Variants in APBB1IP observed in about 807,000 individuals in gnomAD.
APBB1IP encodes the protein amyloid beta precursor protein binding family B member 1 interacting protein, also known as amyloid beta A4 precursor protein-binding family B member 1-interacting protein.
Under a neutral mutation model 64.9 loss-of-function variants are expected in APBB1IP, and 27 were observed. That is an observed-to-expected ratio of 0.42 (90% confidence interval 0.31 to 0.57). The LOEUF is 0.57. APBB1IP is among the 20% of genes least tolerant of loss of function. The pLI, the probability that APBB1IP is intolerant of heterozygous loss-of-function variation, is 0.20. For missense variants in APBB1IP, 812 were observed against 845.5 expected (o/e 0.96, Z 0.49); for synonymous variants, 392 against 331.0 (o/e 1.18, Z -2.00).
intron 11 of APBB1IP, among the ~76,000 whole-genome samples, chr10:26,553,719 A>G (rs1836860838): frequency 6.6e-6 from 1 of 152,188 alleles, no homozygotes; most frequent in Non-Finnish European, 1.5e-5. Flanking sequence ...ACATCGGTAA[A>G]CAAAACAAAG....
At chr10:26,458,635 G>A (rs1180616655) in intron 2 of APBB1IP, among the ~76,000 whole-genome samples, 1 of 152,118 alleles carries the variant, frequency 6.6e-6, no homozygotes, top group Non-Finnish European at 1.5e-5. Flanking sequence ...TAAGGCAGTA[G>A]TAATAAGTTA....
chr10:26,487,197 GT>G (rs34387177), intron 2 of APBB1IP, among the ~76,000 whole-genome samples: 14,738 of 134,044 alleles, frequency 0.11, 1,703 homozygotes, highest in African/African-American at 0.3. Flanking sequence ...AGGGCTGGGT[GT>G]TTTTTTTTTT....
intron 5 of APBB1IP, chr10:26,501,865 C>T (rs761887950): frequency 5.9e-5 from 9 of 151,924 alleles, no homozygotes; most frequent in Non-Finnish European, 8.8e-5. Flanking sequence ...CTAGGGACCC[C>T]GAAAGGTCAT....
chr10:26,451,554 T>C (rs967512952), intron 2 of APBB1IP, among the ~76,000 whole-genome samples: 13 of 152,268 alleles, frequency 8.5e-5, no homozygotes, highest in African/African-American at 3.1e-4. Context: ...CAGAATCACA[T>C]CTGTGGCCAA....
chr10:26,441,283 A>G (rs11015107), intron 2 of APBB1IP, among the ~76,000 whole-genome samples: 14,684 of 152,278 alleles, frequency 0.096, 885 homozygotes, highest in South Asian at 0.16. Context: ...ATTTTAAAAT[A>G]CATATTACAC....
chr10:26,517,246 A>AT (rs1190460121), intron 8 of APBB1IP, among the ~76,000 whole-genome samples: 1 of 152,130 alleles, frequency 6.6e-6, no homozygotes, highest in African/African-American at 2.4e-5. Flanking sequence ...TACACTCTGA[A>AT]TTTTTACAAA....
chr10:26,561,064 C>CTTTCTTTTTTTTTTTTTTTTTTTTT (rs1218039459), intron 13 of APBB1IP, among the ~76,000 whole-genome samples: 2 of 69,208 alleles, frequency 2.9e-5, no homozygotes, highest in Non-Finnish European at 2.5e-5. Context: ...TTCTTTCTTT[C>CTTTCTTTTTTTTTTTTTTTTTTTTT]TTTTTTTTTT....
chr10:26,488,342 C>T lies in APBB1IP; in HGVS notation c.1-3985C>T, dbSNP rs553408997. ...CCTCGACCTCCTGGGCTCAAGCCAT[C>T]ATCCCGTCTCAGCCTCCCAAGTATG... On this transcript the variant is annotated intron_variant, in intron 2 of 14. Coordinates refer to ENST00000376236, the MANE Select transcript of APBB1IP (RefSeq NM_019043.4). Among the ~76,000 whole-genome samples, 261 of 152,046 alleles carry T rather than the reference C, an allele frequency of 1.7e-3. 2 individuals are homozygous for T. The highest frequency in any genetic ancestry group is 5.7e-3 in the African/African-American group (238 of 41,488).
intron 2 of APBB1IP, among the ~76,000 whole-genome samples, chr10:26,483,413 C>T (rs12261938): frequency 0.077 from 11,703 of 152,128 alleles, 1,467 homozygotes; most frequent in African/African-American, 0.26. Context: ...TGGATTTAAT[C>T]AGTCAATGCA....
intron 8 of APBB1IP, among the ~76,000 whole-genome samples, chr10:26,532,027 C>G (rs535642526): frequency 3.2e-4 from 49 of 152,252 alleles, no homozygotes; most frequent in Middle Eastern, 6.8e-3. Flanking sequence ...ATGCAGATTT[C>G]CAGGCCTCAT....
At chr10:26,564,924 G>A (rs1837020910) in intron 14 of APBB1IP, among the ~76,000 whole-genome samples, 1 of 152,208 alleles carries the variant, frequency 6.6e-6, no homozygotes, top group Admixed American at 6.5e-5. Context: ...GAAGCTGTGA[G>A]GCCAGCTGGA....
In APBB1IP at chr10:26,566,998, C is replaced by T. The variant is rs756893811; in HGVS notation, c.1511C>T (p.Ala504Val). Reference protein sequence around the residue: ...KPALGNHHDPAVPRAPHAPKS... With the variant: ...KPALGNHHDPVVPRAPHAPKS... ...GCCCTCGGGAACCACCACGACCCGG[C>T]AGTGCCCCGGGCCCCGCACGCCCCC... Residue 504 changes from alanine to valine, a missense_variant, in exon 15 of 15, where the codon GCA (alanine) becomes GTA (valine). This residue lies in a region of APBB1IP where 381 missense variants were observed against 352.1 expected (regional missense o/e 1.08). Transcript: ENST00000376236. 36 of 1,580,132 alleles carry T rather than the reference C, an allele frequency of 2.3e-5. 1 individual carries two copies. Among genetic ancestry groups the T allele is most frequent in the Middle Eastern group, 2.1e-4 (1 of 4,834 alleles).
At chr10:26,523,294 G>C (rs1226505907) in intron 8 of APBB1IP, among the ~76,000 whole-genome samples, 2 of 152,200 alleles carry the variant, frequency 1.3e-5, no homozygotes, top group African/African-American at 4.8e-5. Flanking sequence ...GAGGATCAAT[G>C]ATGGTTCTTT....
In APBB1IP at chr10:26,501,137, A is replaced by G. The variant is rs774673031; in HGVS notation, c.453+26A>G. 11 of 1,613,964 alleles carry G rather than the reference A, an allele frequency of 6.8e-6. No homozygotes were observed. In the Middle Eastern group the frequency reaches 5.0e-4, roughly 73 times the overall value. ...GTAAGTATGTGGGACCAGAGATGGCAGGACCATCAACCTCTGCTACCTATC... is the reference window on the plus strand; with the variant it reads ...GTAAGTATGTGGGACCAGAGATGGCGGGACCATCAACCTCTGCTACCTATC... On this transcript the variant is annotated intron_variant, in intron 5 of 14. Transcript: ENST00000376236.
intron 8 of APBB1IP, among the ~76,000 whole-genome samples, chr10:26,523,380 CA>C (rs1836429046): frequency 6.6e-6 from 1 of 152,136 alleles, no homozygotes; most frequent in Admixed American, 6.6e-5. Flanking sequence ...ACATGACTTC[CA>C]AAAGGATTTG....
chr10:26,514,996 C>A (rs1470035665), intron 8 of APBB1IP, among the ~76,000 whole-genome samples: 3 of 151,570 alleles, frequency 2.0e-5, no homozygotes, highest in Admixed American at 6.6e-5. Flanking sequence ...CTCAGCCTCC[C>A]AAGTAGCTGG....
At chr10:26,535,363 T>C (rs1327245957) in intron 9 of APBB1IP, among the ~76,000 whole-genome samples, 1 of 152,272 alleles carries the variant, frequency 6.6e-6, no homozygotes, top group African/African-American at 2.4e-5. Context: ...ATAGGGTACA[T>C]GATATATTTT....
intron 5 of APBB1IP, 49 bp downstream of exon 5, chr10:26,501,160 A>C: frequency 6.2e-7 from 1 of 1,608,822 alleles, no homozygotes; most frequent in Non-Finnish European, 8.5e-7. Context: ...TCTGCTACCT[A>C]TCACTGATGT....
chr10:26,493,774 G>A (rs182707396), intron 3 of APBB1IP, among the ~76,000 whole-genome samples: 8 of 152,184 alleles, frequency 5.3e-5, no homozygotes, highest in African/African-American at 9.6e-5. Context: ...AACCACCAGC[G>A]CTGAGCCATT....
Sources: allele counts gnomAD v4.1 joint callset (sites outside exome capture counted in the v4.1 genomes callset), GRCh38; gene constraint gnomAD v4.1.1; regional missense constraint gnomAD v4.1.1; transcripts MANE v1.5; gene names NCBI Gene and HGNC (gene_info 2026-07-23, HGNC 2026-07-21).